The following ECH1 variants were observed in gnomAD, a reference collection of about 807,000 sequenced individuals.
The protein encoded by ECH1 is delta(3,5)-Delta(2,4)-dienoyl-CoA isomerase, mitochondrial.
In ECH1, 30 loss-of-function variants were observed where a neutral mutation model predicts 37.0. That is an observed-to-expected ratio of 0.81 (90% CI 0.61 to 1.10). ECH1 has a LOEUF of 1.10. Among genes scored for constraint, ECH1 ranks in the 50% least tolerant of loss-of-function variants. The probability of loss-of-function intolerance (pLI) is 0.00; values close to 1 mark genes in which losing one functional copy is unlikely to be tolerated. For missense variants in ECH1, 456 were observed against 441.6 expected (o/e 1.03, Z -0.29); for synonymous variants, 178 against 176.0 (o/e 1.01, Z -0.09).
chr19:38,821,048 G>A (rs1971654227), intron 3 of ECH1, among the ~76,000 whole-genome samples: 1 of 152,254 alleles, frequency 6.6e-6, no homozygotes, highest in Non-Finnish European at 1.5e-5. Context: ...GGAGGCTGAG[G>A]CAGGAGGATC....
At chr19:38,831,236 A>G in intron 2 of ECH1, 70 bp from the exon 3 acceptor site, 3 of 1,611,498 alleles carry the variant, frequency 1.9e-6, no homozygotes, top group South Asian at 1.1e-5. Context: ...TCTTCCCACA[A>G]CGTTCCACTT....
intron 3 of ECH1, among the ~76,000 whole-genome samples, chr19:38,822,725 GGACCAATCAGCTCTCTGTAAAACA>G (rs1235606600): frequency 2.0e-5 from 3 of 152,178 alleles, no homozygotes; most frequent in East Asian, 1.9e-4. Flanking sequence ...CTGTCAAAAT[GGACCAATCAGCTCTCTGTAAAACA>G]GACCAATCAG....
intron 3 of ECH1, among the ~76,000 whole-genome samples, chr19:38,821,584 C>T (rs931308909): frequency 6.6e-6 from 1 of 152,208 alleles, no homozygotes; most frequent in African/African-American, 2.4e-5. Context: ...CGACCCCGCA[C>T]TCGGAGTGGT....
At chr19:38,816,787 C>T in intron 6 of ECH1, 1 of 620,406 alleles carries the variant, frequency 1.6e-6, no homozygotes, top group Non-Finnish European at 2.8e-6. Flanking sequence ...CCTCCTCACC[C>T]TACCTGAGAC....
At chr19:38,817,797 C>A (rs966424688) in intron 3 of ECH1, 1 of 972,334 alleles carries the variant, frequency 1.0e-6, no homozygotes, top group African/African-American at 1.8e-5. Context: ...CTCACAGCAA[C>A]CGTACCAGCT....
rs1555721659 is a variant in ECH1, at chr19:38,818,928, T to TGC, written c.350-1354_350-1353insGC. Among the ~76,000 whole-genome samples the TGC allele has an allele frequency of 3.0e-3, 385 of 126,360 alleles. 3 individuals carry two copies. The highest frequency in any genetic ancestry group is 8.8e-3 in the Middle Eastern group (2 of 228). The allele number at this position is 126,360 out of a possible 152,430, so 82.9% of individuals were successfully genotyped here. ...GTGTGTGTGTGTGTGTGTGTGTGTGTGTGTGCACTGTTCCCAACCTGTTAC... is the reference window on the plus strand; with the variant it reads ...GTGTGTGTGTGTGTGTGTGTGTGTGTGCGTGTGCACTGTTCCCAACCTGTTAC... On this transcript the variant is annotated intron_variant, in intron 3 of 9. Coordinates refer to ENST00000221418, the MANE Select transcript of ECH1 (RefSeq NM_001398.3).
intron 3 of ECH1, among the ~76,000 whole-genome samples, chr19:38,829,353 C>T (rs997542405): frequency 1.3e-5 from 2 of 148,816 alleles, no homozygotes; most frequent in African/African-American, 5.0e-5. Flanking sequence ...CCCAGCTATG[C>T]AGGAGGCTGA....
At chr19:38,818,484 TTTTA>T (rs1159920317) in intron 3 of ECH1, 35 of 694,680 alleles carry the variant, frequency 5.0e-5, no homozygotes, top group South Asian at 2.6e-4. Context: ...TCCTCTTTTT[TTTTA>T]TTTTATTTTT....
intron 3 of ECH1, among the ~76,000 whole-genome samples, chr19:38,821,666 G>C (rs1290268598): frequency 6.6e-6 from 1 of 152,224 alleles, no homozygotes; most frequent in Non-Finnish European, 1.5e-5. Context: ...GGTACACCGG[G>C]TCCCCCAGCA....
intron 3 of ECH1, among the ~76,000 whole-genome samples, chr19:38,829,305 A>T (rs2145389112): frequency 6.6e-6 from 1 of 150,882 alleles, no homozygotes; most frequent in African/African-American, 2.4e-5. Context: ...AAAAAAAAAA[A>T]AAAAAATTAG....
Position 38,831,083 on chromosome 19 carries a change from G to C in ECH1, c.344C>G (p.Thr115Ser), listed in dbSNP as rs937400056. 6.2e-7 allele frequency: 1 copy of C among 1,613,978 alleles called. No individual in the cohort carries two copies. The highest frequency in any genetic ancestry group is 1.3e-5 in the African/African-American group (1 of 74,880). ...VVISGAGKMF[T>S]AGIDLMDMAS... Reference sequence around the variant, plus strand: ...GTGTGAAGAGCGTCTGGTACCTGCAGTGAACATTTTTCCTGCACCAGAGAT... The same window carrying C: ...GTGTGAAGAGCGTCTGGTACCTGCACTGAACATTTTTCCTGCACCAGAGAT... The change falls in exon 3 of 10, where the codon ACT becomes AGT. Residue 115 changes from threonine (T) to serine (S), a missense_variant. Transcript: ENST00000221418.
chr19:38,825,016 G>C (rs1971718493), intron 3 of ECH1, among the ~76,000 whole-genome samples: 1 of 152,168 alleles, frequency 6.6e-6, no homozygotes, highest in African/African-American at 2.4e-5. Context: ...ATCCTGATAG[G>C]TACATACATG....
Position 38,831,313 on chromosome 19 carries a change from A to G in ECH1, c.256T>C (p.Trp86Arg), listed in dbSNP as rs1971818473. The change falls in exon 2 of 10, where the codon TGG becomes CGG. Residue 86 changes from tryptophan (W) to arginine (R), a missense_variant. Coordinates refer to ENST00000221418, the MANE Select transcript of ECH1 (RefSeq NM_001398.3). ...NKRNAMNKVF[W>R]REMVECFNKI... ...TCCAGGATCTGCAGGTCAGACCTCC[A>G]GAAGACCTTGTTCATGGCATTCCTC... 1 of 1,610,326 alleles carries G rather than the reference A, an allele frequency of 6.2e-7. No individual in the cohort carries two copies. Among genetic ancestry groups the G allele is most frequent in the African/African-American group, 1.3e-5 (1 of 74,884 alleles).
In ECH1 at chr19:38,815,602, C is replaced by A. The variant is rs376107783; in HGVS notation, c.*11G>T. On this transcript the variant is annotated 3_prime_UTR_variant, in exon 10 of 10. Transcript: ENST00000221418. ...CCGGCCCCCTGGCTGGGGCCTGGGA[C>A]GCGAGGGCTCTCAGAGCTTGGAGAA... 6.2e-7 allele frequency: 1 copy of A among 1,613,858 alleles called. No homozygotes were observed. Among genetic ancestry groups the A allele is most frequent in the Non-Finnish European group, 8.5e-7 (1 of 1,179,860 alleles).
intron 3 of ECH1, chr19:38,820,338 G>C (rs1170510257): frequency 6.6e-6 from 1 of 152,154 alleles, no homozygotes; most frequent in East Asian, 1.9e-4. Context: ...GGGATTACAG[G>C]TGTGAGCCAC....
chr19:38,830,971 A>G, intron 3 of ECH1, 107 bp downstream of exon 3: 4 of 971,530 alleles, frequency 4.1e-6, no homozygotes, highest in Non-Finnish European at 4.6e-6. Flanking sequence ...AAAAAAAAAA[A>G]GTGTGTAAGT....
At chr19:38,817,653 C>T in intron 3 of ECH1, 78 bp from the exon 4 acceptor site, 1 of 1,489,398 alleles carries the variant, frequency 6.7e-7, no homozygotes, top group Non-Finnish European at 9.0e-7. Context: ...AGAACCCAGG[C>T]ACAGCAGGTT....
chr19:38,831,782 C>T lies in ECH1; in HGVS notation c.-10G>A. The T allele has an allele frequency of 6.2e-7, 1 of 1,613,020 alleles. No individual in the cohort carries two copies. Among genetic ancestry groups the T allele is most frequent in the South Asian group, 1.1e-5 (1 of 90,780 alleles). On this transcript the variant is annotated 5_prime_UTR_variant, in exon 1 of 10. Transcript: ENST00000221418. ...CTATCCCCGCCGCCATCGCCGCCGCCTTCGTCTACTGCGTTCGGACGGAGT... is the reference window on the plus strand; with the variant it reads ...CTATCCCCGCCGCCATCGCCGCCGCTTTCGTCTACTGCGTTCGGACGGAGT...
intron 3 of ECH1, among the ~76,000 whole-genome samples, chr19:38,827,634 C>G (rs940529254): frequency 6.6e-6 from 1 of 152,164 alleles, no homozygotes; most frequent in Admixed American, 6.5e-5. Flanking sequence ...TGTATCAACT[C>G]TGCCCTAATC....
Sources: gnomAD v4.1 joint callset for allele counts (sites outside exome capture counted in the v4.1 genomes callset) on GRCh38, gnomAD v4.1.1 for gene constraint, MANE v1.5 for transcripts, NCBI Gene and HGNC (gene_info 2026-07-23, HGNC 2026-07-21) for gene names.